The following NRG2 variants were observed in gnomAD, a reference collection of about 807,000 sequenced individuals.
NRG2 encodes the protein neuregulin 2.
Under a neutral mutation model 73.9 loss-of-function variants are expected in NRG2, and 27 were observed. The observed-to-expected ratio is 0.37, with a 90% CI of 0.27 to 0.50. The LOEUF (loss-of-function observed/expected upper bound fraction) is 0.50, where lower values mean the gene tolerates loss of function less well. Among genes scored for constraint, NRG2 ranks in the 20% least tolerant of loss-of-function variants. The pLI is 0.96. For missense variants in NRG2, 1,126 were observed against 1,210.1 expected, an observed-to-expected ratio of 0.93 and a Z score of 1.03; for synonymous variants, 532 against 541.0, an observed-to-expected ratio of 0.98 and a Z score of 0.23.
chr5:139,920,641 A>G lies in NRG2; in HGVS notation c.701-33130T>C, dbSNP rs1164095075. On this transcript the variant is annotated intron_variant, in intron 1 of 9. Transcript: ENST00000361474. ...AGGTAACCCAGACTCATAGAGTCAG[A>G]GAAGGCTTCCCAGTATAAACCATGC... 4.2e-4 allele frequency among the ~76,000 whole-genome samples: 64 copies of G among 152,362 alleles called. 2 individuals are homozygous for G. The highest frequency in any genetic ancestry group is 1.5e-5 in the Non-Finnish European group (1 of 68,030).
rs1762665723 is a variant in NRG2 at position 139,868,841 on chromosome 5, A to C, written c.1112+2880T>G. Among the ~76,000 whole-genome samples the C allele has an allele frequency of 6.6e-6, 1 of 151,636 alleles. No individual in the cohort carries two copies. Among genetic ancestry groups the C allele is most frequent in the South Asian group, 2.1e-4 (1 of 4,786 alleles). ...GCAGGCAGATGGAGGTGGGATGGGG[A>C]ATCACCTGGACATGGGTGGGGTAGG... On this transcript the variant is annotated intron_variant, in intron 4 of 9. Coordinates refer to ENST00000361474, the MANE Select transcript of NRG2 (RefSeq NM_004883.3). This position sits in a 1 kb window ranked among gnomAD's most constrained non-coding sequence, Gnocchi z 4.2.
In NRG2 at chr5:139,985,740, C is replaced by T. The variant is rs139959787; in HGVS notation, c.700+56630G>A. Among the ~76,000 whole-genome samples, 3 of 152,274 alleles carry T rather than the reference C, an allele frequency of 2.0e-5. No homozygotes were observed. In the East Asian group the frequency reaches 5.8e-4, roughly 29 times the overall value. Reference sequence around the variant, plus strand: ...TTGCCCAAGCAGTGTGAAAGCCAAGCCCCCTCTCCTCGAGCTCTATCCAGA... The same window carrying T: ...TTGCCCAAGCAGTGTGAAAGCCAAGTCCCCTCTCCTCGAGCTCTATCCAGA... On this transcript the variant is annotated intron_variant, in intron 1 of 9. Transcript: ENST00000361474.
At chr5:139,984,049 G>A (rs1384339105) in intron 1 of NRG2, among the ~76,000 whole-genome samples, 4 of 152,028 alleles carry the variant, frequency 2.6e-5, no homozygotes, top group Non-Finnish European at 2.9e-5. Context: ...GAATGAACAG[G>A]TATTTGCCAT....
chr5:139,938,395 C>T (rs1310931293), intron 1 of NRG2, among the ~76,000 whole-genome samples: 1 of 151,590 alleles, frequency 6.6e-6, no homozygotes. Context: ...CTTGTTCTGT[C>T]TCCCAGGCTG....
At chr5:139,962,868 A>C (rs6886027) in intron 1 of NRG2, among the ~76,000 whole-genome samples, 32,545 of 152,090 alleles carry the variant, frequency 0.21, 4,422 homozygotes, top group African/African-American at 0.39. Context: ...CAGACCAGAT[A>C]CCAACAAATC....
At chr5:139,895,477 CAGTGCT>C (rs1265677233) in intron 1 of NRG2, among the ~76,000 whole-genome samples, 1 of 152,136 alleles carries the variant, frequency 6.6e-6, no homozygotes, top group Non-Finnish European at 1.5e-5. Context: ...GGGTTCTTAG[CAGTGCT>C]TGTGGCACAG....
chr5:139,976,517 G>A (rs973591556), intron 1 of NRG2, among the ~76,000 whole-genome samples: 2 of 152,144 alleles, frequency 1.3e-5, no homozygotes, highest in African/African-American at 2.4e-5. Flanking sequence ...ATTCCCTGAG[G>A]TGCCAATGAC....
chr5:139,938,850 A>AAGAGAGAGAGAG lies in NRG2; in HGVS notation c.701-51351_701-51340dup, dbSNP rs61044289. ...ATTGGACAGTCATATACAGAAAGGGAAGAGAGAGAGAGAGAGAGAGAGAGA... is the reference window on the plus strand; with the variant it reads ...ATTGGACAGTCATATACAGAAAGGGAAGAGAGAGAGAGAGAGAGAGAGAGAGAGAGAGAGAGA... On this transcript the variant is annotated intron_variant, in intron 1 of 9. Coordinates refer to ENST00000361474, the MANE Select transcript of NRG2 (RefSeq NM_004883.3). Among the ~76,000 whole-genome samples, 50 of 95,072 alleles carry AAGAGAGAGAGAG rather than the reference A, an allele frequency of 5.3e-4. 1 individual carries two copies. Among genetic ancestry groups the AAGAGAGAGAGAG allele is most frequent in the African/African-American group, 1.1e-3 (29 of 25,318 alleles). 62.4% of individuals were successfully genotyped at this position (95,072 alleles called of 152,430 possible). A position where few individuals can be genotyped will look rare whatever the true frequency, so the allele number is the denominator to read the frequency against.
At chr5:139,902,331 A>G (rs1764939330) in intron 1 of NRG2, among the ~76,000 whole-genome samples, 1 of 152,214 alleles carries the variant, frequency 6.6e-6, no homozygotes, top group Non-Finnish European at 1.5e-5. Flanking sequence ...GCACTGAGGC[A>G]GAGGAAAAGC....
chr5:139,977,044 C>T (rs1477092098), intron 1 of NRG2, among the ~76,000 whole-genome samples: 2 of 152,140 alleles, frequency 1.3e-5, no homozygotes, highest in Non-Finnish European at 2.9e-5. Context: ...ATGGATCGCC[C>T]AGTGCCTGCC....
intron 1 of NRG2, among the ~76,000 whole-genome samples, chr5:139,982,600 C>A (rs1222034155): frequency 1.3e-5 from 2 of 152,194 alleles, no homozygotes; most frequent in Non-Finnish European, 2.9e-5. Flanking sequence ...CAGCAGAGCG[C>A]GTCAGTCCTA....
At chr5:140,009,025 T>A (rs1466966450) in intron 1 of NRG2, among the ~76,000 whole-genome samples, 2 of 152,210 alleles carry the variant, frequency 1.3e-5, no homozygotes, top group Non-Finnish European at 1.5e-5. Flanking sequence ...CCATTATTTC[T>A]GGCACTTAGG....
At chr5:139,979,257 T>C (rs1756612696) in intron 1 of NRG2, among the ~76,000 whole-genome samples, 1 of 151,784 alleles carries the variant, frequency 6.6e-6, no homozygotes, top group East Asian at 1.9e-4. Flanking sequence ...GAAAGACTAC[T>C]AAGTCTGAAG....
At chr5:139,854,792 A>T (rs1165647141) in intron 6 of NRG2, among the ~76,000 whole-genome samples, 1 of 151,812 alleles carries the variant, frequency 6.6e-6, no homozygotes, top group Non-Finnish European at 1.5e-5. Context: ...AGAAGGTCAT[A>T]GGGCCTTGGA....
chr5:139,904,570 G>GC lies in NRG2; in HGVS notation c.701-17060dup, dbSNP rs1395593197. On this transcript the variant is annotated intron_variant, in intron 1 of 9. Coordinates refer to ENST00000361474, the MANE Select transcript of NRG2 (RefSeq NM_004883.3). This position sits in a 1 kb window ranked among gnomAD's most constrained non-coding sequence, Gnocchi z 6.0. Reference sequence around the variant, plus strand: ...TTCCCCTCCCGCGCCCTCCACCCTCGCCCCCCCTCCACCGGCTCGGGCCGC... The same window carrying GC: ...TTCCCCTCCCGCGCCCTCCACCCTCGCCCCCCCCTCCACCGGCTCGGGCCGC... Among the ~76,000 whole-genome samples the GC allele has an allele frequency of 1.3e-5, 2 of 151,984 alleles. No homozygotes were observed. The highest frequency in any genetic ancestry group is 3.4e-3 in the Middle Eastern group (1 of 292).
Position 139,851,632 on chromosome 5 carries a change from A to G in NRG2, c.1744T>C (p.Ser582Pro). Residue 582 changes from serine (S) to proline (P), a missense_variant, in exon 9 of 10, where the codon TCC becomes CCC. Coordinates refer to ENST00000361474, the MANE Select transcript of NRG2 (RefSeq NM_004883.3). This position sits in a 1 kb window ranked among gnomAD's most constrained non-coding sequence, Gnocchi z 4.2. ...TCGCTGTGTGGGGAGTCGCGAAGGG[A>G]GTCCACGGAATCGTGATAGGGTGGC... ...TAPPYHDSVD[S>P]LRDSPHSERY... The G allele has an allele frequency of 6.2e-7, 1 of 1,614,024 alleles. No homozygotes were observed. Among genetic ancestry groups the G allele is most frequent in the South Asian group, 1.1e-5 (1 of 91,078 alleles).
intron 1 of NRG2, among the ~76,000 whole-genome samples, chr5:139,932,220 T>G (rs1752512492): frequency 7.7e-6 from 1 of 130,494 alleles, no homozygotes; most frequent in African/African-American, 3.3e-5. Flanking sequence ...AAAGAAAATG[T>G]AGTGTGTGTG....
intron 1 of NRG2, among the ~76,000 whole-genome samples, chr5:139,920,637 T>C (rs1167577828): frequency 6.6e-6 from 1 of 151,928 alleles, no homozygotes; most frequent in African/African-American, 2.4e-5. Flanking sequence ...ACTCATAGAG[T>C]CAGAGAAGGC....
intron 1 of NRG2, among the ~76,000 whole-genome samples, chr5:139,888,867 A>T (rs188967710): frequency 6.6e-6 from 1 of 152,322 alleles, no homozygotes; most frequent in East Asian, 1.9e-4. Context: ...CTCATAAATA[A>T]CACCTCCCCC....
Sources: gnomAD v4.1 joint callset for allele counts (sites outside exome capture counted in the v4.1 genomes callset) on GRCh38, gnomAD v4.1.1 for gene constraint, Gnocchi (gnomAD v3.1) non-coding constraint, MANE v1.5 for transcripts, NCBI Gene and HGNC (gene_info 2026-07-23, HGNC 2026-07-21) for gene names.